Variants in OR56A3 observed in about 807,000 individuals in gnomAD.
OR56A3 encodes olfactory receptor 56A3.
OR56A3 carries 23 observed loss-of-function variants against 17.5 expected under a neutral mutation model. The observed-to-expected ratio is 1.32, with a 90% CI of 0.95 to 1.87. The LOEUF is 1.87. Ranked by LOEUF, OR56A3 falls within the 40% of genes most tolerant of loss-of-function variation. OR56A3 has a pLI of 0.00. For missense variants in OR56A3, 366 were observed against 380.1 expected, an observed-to-expected ratio of 0.96 and a Z score of 0.31; for synonymous variants, 175 against 150.6, an observed-to-expected ratio of 1.16 and a Z score of -1.19.
At chr11:5,960,831 C>T in the OR56A3 span, among the ~76,000 whole-genome samples, 1 of 151,492 alleles carries the variant, frequency 6.6e-6, no homozygotes, top group Non-Finnish European at 1.5e-5. Context: ...TCTGCCCGGC[C>T]GGCTGCCCAT....
At chr11:5,977,000 A>C in the OR56A3 span, among the ~76,000 whole-genome samples, 6 of 152,158 alleles carry the variant, frequency 3.9e-5, no homozygotes, top group Non-Finnish European at 7.4e-5. Context: ...TCACTCACTA[A>C]GGACAATGGT....
At chr11:5,944,071 G>T (rs754037510) in intron 1 of OR56A3, among the ~76,000 whole-genome samples, 9 of 152,180 alleles carry the variant, frequency 5.9e-5, no homozygotes, top group Non-Finnish European at 7.3e-5. Flanking sequence ...GCATGAAGAA[G>T]GGTCGTTAGT....
the OR56A3 span, among the ~76,000 whole-genome samples, chr11:5,998,527 A>G: frequency 1.1e-4 from 16 of 152,320 alleles, no homozygotes; most frequent in South Asian, 3.1e-3. Flanking sequence ...ACTCTTTTCT[A>G]TTGAAAATAT....
At chr11:5,970,688 GAA>G in the OR56A3 span, among the ~76,000 whole-genome samples, 2 of 142,916 alleles carry the variant, frequency 1.4e-5, no homozygotes, top group African/African-American at 2.6e-5. Flanking sequence ...TGATAAAAAG[GAA>G]AAAAAAAAAG....
At chr11:5,964,715 GT>G in the OR56A3 span, among the ~76,000 whole-genome samples, 1 of 152,208 alleles carries the variant, frequency 6.6e-6, no homozygotes, top group Non-Finnish European at 1.5e-5. Context: ...ATGGCTACGG[GT>G]TTCTATCTGG....
the OR56A3 span, chr11:5,985,842 G>T: frequency 8.7e-7 from 1 of 1,150,138 alleles, no homozygotes; most frequent in Non-Finnish European, 1.2e-6. Context: ...AATACTCACT[G>T]CAAAATGGTC....
At chr11:5,988,911 G>A in the OR56A3 span, among the ~76,000 whole-genome samples, 1 of 152,232 alleles carries the variant, frequency 6.6e-6, no homozygotes, top group Non-Finnish European at 1.5e-5. Context: ...TGTTGGAGTG[G>A]TGGTGCACAT....
At chr11:6,002,308 G>T in the OR56A3 span, 1 of 1,614,076 alleles carries the variant, frequency 6.2e-7, no homozygotes, top group Non-Finnish European at 8.5e-7. Context: ...TTGATCCTAA[G>T]CACAACTTTC....
chr11:5,981,660 A>C, the OR56A3 span, among the ~76,000 whole-genome samples: 4 of 152,118 alleles, frequency 2.6e-5, no homozygotes, highest in African/African-American at 9.7e-5. Context: ...TCTATGTCTG[A>C]GATTTCAGCC....
the OR56A3 span, chr11:6,019,203 C>T: frequency 8.1e-6 from 1 of 123,374 alleles, no homozygotes; most frequent in Non-Finnish European, 1.7e-5. Flanking sequence ...ACACCAAAAA[C>T]AACAACACGA....
the OR56A3 span, among the ~76,000 whole-genome samples, chr11:5,997,333 A>G: frequency 1.3e-5 from 2 of 152,182 alleles, no homozygotes; most frequent in East Asian, 3.8e-4. Context: ...CATGACTCTC[A>G]TGCTCATTAT....
the OR56A3 span, among the ~76,000 whole-genome samples, chr11:5,979,753 T>G: frequency 6.6e-6 from 1 of 152,092 alleles, no homozygotes; most frequent in South Asian, 2.1e-4. Context: ...GCTTTGGGGT[T>G]GTTTTCTTCT....
chr11:5,983,053 T>C, the OR56A3 span, among the ~76,000 whole-genome samples: 1 of 152,106 alleles, frequency 6.6e-6, no homozygotes. Flanking sequence ...TGGGAGAAGC[T>C]CTTCCTGGCT....
At chr11:6,011,965 G>A in the OR56A3 span, among the ~76,000 whole-genome samples, 5 of 152,208 alleles carry the variant, frequency 3.3e-5, no homozygotes, top group African/African-American at 4.8e-5. Flanking sequence ...GTGCCCAGAA[G>A]CTTGGAGACA....
At chr11:5,974,674 G>A in the OR56A3 span, among the ~76,000 whole-genome samples, 2 of 151,714 alleles carry the variant, frequency 1.3e-5, no homozygotes, top group Non-Finnish European at 1.5e-5. Flanking sequence ...GGAGGACAAG[G>A]ACCTATGGTG....
chr11:6,020,351 AT>A, the OR56A3 span: 4 of 152,204 alleles, frequency 2.6e-5, no homozygotes, highest in South Asian at 8.3e-4. Flanking sequence ...AAAGAATGTC[AT>A]TGGTAGTTTG....
At chr11:6,014,989 C>CA in the OR56A3 span, among the ~76,000 whole-genome samples, 4,728 of 35,104 alleles carry the variant, frequency 0.13, 1,344 homozygotes, top group African/African-American at 0.14. Context: ...TATTCATGGG[C>CA]AAAAAAAAAA....
chr11:6,019,994 C>T, the OR56A3 span: 2 of 152,024 alleles, frequency 1.3e-5, no homozygotes, highest in East Asian at 3.9e-4. Flanking sequence ...AGTCTTAATT[C>T]TATTATAAGC....
the OR56A3 span, among the ~76,000 whole-genome samples, chr11:5,960,880 G>A: frequency 3.4e-3 from 512 of 150,936 alleles, 2 homozygotes; most frequent in African/African-American, 0.012. Context: ...TCGCCGCCCC[G>A]TCTGAGATGT....
Sources: allele counts gnomAD v4.1 joint callset (sites outside exome capture counted in the v4.1 genomes callset), GRCh38; gene constraint gnomAD v4.1.1; transcripts MANE v1.5; gene names NCBI Gene and HGNC (gene_info 2026-07-23, HGNC 2026-07-21).